MAGI2: variants seen among roughly 807,000 people sequenced by gnomAD.
MAGI2 encodes membrane-associated guanylate kinase, WW and PDZ domain-containing protein 2.
Under a neutral mutation model 133.3 loss-of-function variants are expected in MAGI2, and 35 were observed. The ratio of observed to expected loss-of-function variants is 0.26; its 90% CI spans 0.20 to 0.35. The LOEUF (loss-of-function observed/expected upper bound fraction) is 0.35, where lower values mean the gene tolerates loss of function less well. MAGI2 is among the 10% of genes least tolerant of loss of function. The pLI is 1.00. For synonymous variants in MAGI2, 729 were observed against 710.6 expected, an observed-to-expected ratio of 1.03 and a Z score of -0.41; for missense variants, 1,636 against 1,863.4, an observed-to-expected ratio of 0.88 and a Z score of 2.25.
At chr7:78,755,579 C>G (rs1183886816) in intron 2 of MAGI2, among the ~76,000 whole-genome samples, 1 of 152,172 alleles carries the variant, frequency 6.6e-6, no homozygotes, top group Non-Finnish European at 1.5e-5. Context: ...TGTATCTACA[C>G]AGCAGACAAA....
intron 4 of MAGI2, among the ~76,000 whole-genome samples, chr7:78,521,128 T>G (rs547250289): frequency 6.6e-5 from 10 of 152,136 alleles, no homozygotes; most frequent in Admixed American, 6.5e-4. Context: ...TTCACTATAT[T>G]GCTACTAATA....
chr7:79,235,295 G>T (rs1337129608), intron 1 of MAGI2, among the ~76,000 whole-genome samples: 2 of 152,190 alleles, frequency 1.3e-5, no homozygotes, highest in African/African-American at 2.4e-5. Context: ...AGGCAGGCAG[G>T]CCTCCTTGAG....
chr7:78,103,781 A>C (rs1375388581), intron 20 of MAGI2, among the ~76,000 whole-genome samples: 1 of 152,254 alleles, frequency 6.6e-6, no homozygotes, highest in African/African-American at 2.4e-5. Context: ...AGTGCACATG[A>C]ATTTATCGAG....
intron 6 of MAGI2, among the ~76,000 whole-genome samples, chr7:78,405,182 G>C (rs1797262937): frequency 6.6e-6 from 1 of 152,016 alleles, no homozygotes; most frequent in African/African-American, 2.4e-5. Context: ...TGCAAACTTA[G>C]CTTCCTTTTA....
At chr7:79,338,390 G>A (rs1442786066) in intron 1 of MAGI2, among the ~76,000 whole-genome samples, 2 of 152,116 alleles carry the variant, frequency 1.3e-5, no homozygotes, top group Non-Finnish European at 2.9e-5. Context: ...ACTCATACCA[G>A]AATAAATAAG....
intron 5 of MAGI2, among the ~76,000 whole-genome samples, chr7:78,490,265 C>T (rs577525148): frequency 1.3e-5 from 2 of 152,170 alleles, no homozygotes; most frequent in East Asian, 1.9e-4. Context: ...TACTCTTTAG[C>T]TACAGAGCTG....
chr7:79,222,610 C>T (rs1830522274), intron 1 of MAGI2, among the ~76,000 whole-genome samples: 1 of 151,958 alleles, frequency 6.6e-6, no homozygotes, highest in African/African-American at 2.4e-5. Context: ...TATCTTTTAT[C>T]GAAAACTATC....
chr7:78,428,875 C>A (rs947667751), intron 6 of MAGI2, among the ~76,000 whole-genome samples: 1 of 152,202 alleles, frequency 6.6e-6, no homozygotes, highest in Non-Finnish European at 1.5e-5. Flanking sequence ...GCTTCAGAGA[C>A]ACAGTAGCTT....
intron 11 of MAGI2, among the ~76,000 whole-genome samples, chr7:78,196,305 G>A (rs1397309643): frequency 6.6e-6 from 1 of 151,736 alleles, no homozygotes; most frequent in East Asian, 1.9e-4. Context: ...TGATTACCAC[G>A]AGTCTACCCA....
chr7:78,847,778 C>T (rs1455347697), intron 2 of MAGI2, among the ~76,000 whole-genome samples: 1 of 151,912 alleles, frequency 6.6e-6, no homozygotes, highest in East Asian at 1.9e-4. Flanking sequence ...CACTTTTCTT[C>T]AGTGCATACA....
At chr7:78,575,980 A>G (rs1014973483) in intron 3 of MAGI2, among the ~76,000 whole-genome samples, 2 of 152,180 alleles carry the variant, frequency 1.3e-5, no homozygotes, top group Non-Finnish European at 2.9e-5. Context: ...CTAATGCAAG[A>G]TAACAGAGAA....
intron 1 of MAGI2, among the ~76,000 whole-genome samples, chr7:79,114,558 G>C (rs1036106837): frequency 2.6e-5 from 4 of 152,126 alleles, no homozygotes; most frequent in Non-Finnish European, 5.9e-5. Flanking sequence ...ACAGTTAGCT[G>C]CCATAGCTTC....
chr7:78,300,869 G>A (rs949401106), intron 9 of MAGI2, among the ~76,000 whole-genome samples: 7 of 152,122 alleles, frequency 4.6e-5, no homozygotes, highest in African/African-American at 1.7e-4. Context: ...CCTGCTTTTT[G>A]AAATAGGCTT....
At chr7:79,441,841 T>G (rs1848515772) in intron 1 of MAGI2, among the ~76,000 whole-genome samples, 1 of 152,182 alleles carries the variant, frequency 6.6e-6, no homozygotes, top group African/African-American at 2.4e-5. Flanking sequence ...TTTTTAATAA[T>G]TATTTTTTAT....
chr7:79,058,387 A>G (rs1813365415), intron 1 of MAGI2, among the ~76,000 whole-genome samples: 1 of 152,132 alleles, frequency 6.6e-6, no homozygotes, highest in Non-Finnish European at 1.5e-5. Flanking sequence ...ATACATGTAG[A>G]GAAGTGTAGG....
intron 2 of MAGI2, among the ~76,000 whole-genome samples, chr7:78,668,599 G>C (rs894310685): frequency 2.8e-4 from 43 of 151,860 alleles, no homozygotes; most frequent in Middle Eastern, 3.4e-3. Context: ...TCCAGTTTCA[G>C]CTTTCTACAT....
chr7:79,038,807 T>C (rs1478508920), intron 1 of MAGI2, among the ~76,000 whole-genome samples: 1 of 152,210 alleles, frequency 6.6e-6, no homozygotes, highest in Non-Finnish European at 1.5e-5. Flanking sequence ...GTTTTTAAAT[T>C]CTATTCATGT....
At chr7:78,454,241 C>T (rs1789058371) in intron 6 of MAGI2, among the ~76,000 whole-genome samples, 1 of 152,124 alleles carries the variant, frequency 6.6e-6, no homozygotes, top group Non-Finnish European at 1.5e-5. Context: ...TTTTTATTAG[C>T]ATTTGCATCA....
chr7:78,774,226 T>C (rs993561833), intron 2 of MAGI2, among the ~76,000 whole-genome samples: 1 of 152,164 alleles, frequency 6.6e-6, no homozygotes, highest in African/African-American at 2.4e-5. Flanking sequence ...GTGGTTCCAA[T>C]GCATCCGAGG....
Sources: gnomAD v4.1 joint callset for allele counts (sites outside exome capture counted in the v4.1 genomes callset) on GRCh38, gnomAD v4.1.1 for gene constraint, MANE v1.5 for transcripts, NCBI Gene and HGNC (gene_info 2026-07-23, HGNC 2026-07-21) for gene names.